The following PBX3 variants were observed in gnomAD, a reference collection of about 807,000 sequenced individuals.
PBX3 encodes PBX homeobox 3.
A neutral mutation model predicts 48.5 loss-of-function variants in PBX3; 14 were observed. The ratio of observed to expected loss-of-function variants is 0.29; its 90% confidence interval spans 0.19 to 0.45. The LOEUF is 0.45. Among genes scored for constraint, PBX3 ranks in the 20% least tolerant of loss-of-function variants. The probability of loss-of-function intolerance (pLI) is 1.00; values close to 1 mark genes in which losing one functional copy is unlikely to be tolerated. For synonymous variants in PBX3, 210 were observed against 200.3 expected, an observed-to-expected ratio of 1.05 and a Z score of -0.41; for missense variants, 386 against 546.7, an observed-to-expected ratio of 0.71 and a Z score of 2.93.
chr9:125,942,852 A>G lies in PBX3; in HGVS notation c.843+7245A>G, dbSNP rs796803873. Among the ~76,000 whole-genome samples, 207 of 152,356 alleles carry G rather than the reference A, an allele frequency of 1.4e-3. 1 individual carries two copies. Among genetic ancestry groups the G allele is most frequent in the African/African-American group, 4.7e-3 (196 of 41,588 alleles). ...AAAAAATGGGAGCTTTGAGGATGCT[A>G]TAGCATGAAGTACAGATGAGGCATA... is the stretch of plus-strand genomic sequence containing the variant. On this transcript the variant is annotated intron_variant, in intron 5 of 8. Transcript: ENST00000373489.
At chr9:125,816,366 T>G (rs1343288407) in intron 2 of PBX3, among the ~76,000 whole-genome samples, 2 of 152,156 alleles carry the variant, frequency 1.3e-5, no homozygotes, top group Admixed American at 6.6e-5. Context: ...AGAATGGAAA[T>G]TAAACATACA....
At chr9:125,828,251 CT>C (rs1204059956) in intron 2 of PBX3, among the ~76,000 whole-genome samples, 7 of 152,218 alleles carry the variant, frequency 4.6e-5, no homozygotes, top group South Asian at 2.1e-4. Context: ...GATATATATA[CT>C]CAGAGATACT....
chr9:125,900,616 C>G (rs1840922020), intron 2 of PBX3, among the ~76,000 whole-genome samples: 1 of 151,684 alleles, frequency 6.6e-6, no homozygotes, highest in African/African-American at 2.4e-5. Flanking sequence ...CCTCTACAGG[C>G]AGGTGGCTTT....
chr9:125,797,522 A>G (rs1341827900), intron 2 of PBX3: 1 of 152,150 alleles, frequency 6.6e-6, no homozygotes, highest in East Asian at 1.9e-4. Flanking sequence ...GTTTGTGAAG[A>G]TCAGAAGTTC....
intron 2 of PBX3, among the ~76,000 whole-genome samples, chr9:125,796,218 C>T (rs1271462820): frequency 6.6e-6 from 1 of 152,192 alleles, no homozygotes; most frequent in East Asian, 1.9e-4. Context: ...AGTGGATCTT[C>T]ACCTTTCTCT....
At chr9:125,892,070 C>A (rs1388854236) in intron 2 of PBX3, among the ~76,000 whole-genome samples, 1 of 152,096 alleles carries the variant, frequency 6.6e-6, no homozygotes, top group East Asian at 1.9e-4. Context: ...CAGGCACTTA[C>A]CACCATGCCC....
intron 2 of PBX3, among the ~76,000 whole-genome samples, chr9:125,769,057 G>A (rs1234028991): frequency 1.3e-5 from 2 of 152,030 alleles, no homozygotes; most frequent in African/African-American, 2.4e-5. Context: ...AGTGCTTTGT[G>A]GAGAATTTGT....
chr9:125,777,822 A>G (rs1837117924), intron 2 of PBX3, among the ~76,000 whole-genome samples: 1 of 152,148 alleles, frequency 6.6e-6, no homozygotes, highest in African/African-American at 2.4e-5. Context: ...GTGTGTTTCA[A>G]GGAATTTGCT....
At chr9:125,846,774 A>G (rs1221650784) in intron 2 of PBX3, among the ~76,000 whole-genome samples, 2 of 152,060 alleles carry the variant, frequency 1.3e-5, no homozygotes, top group African/African-American at 4.8e-5. Context: ...TTACACCAAA[A>G]TATGAACCAT....
At chr9:125,890,910 A>G (rs969744914) in intron 2 of PBX3, among the ~76,000 whole-genome samples, 2 of 152,232 alleles carry the variant, frequency 1.3e-5, no homozygotes, top group Non-Finnish European at 2.9e-5. Flanking sequence ...TGTGCACAGC[A>G]TTTAATGAGT....
chr9:125,828,451 T>C lies in PBX3; in HGVS notation c.274+79828T>C, dbSNP rs1588191492. Among the ~76,000 whole-genome samples, 4 of 152,296 alleles carry C rather than the reference T, an allele frequency of 2.6e-5. 1 individual carries two copies. The highest frequency in any genetic ancestry group is 9.6e-5 in the African/African-American group (4 of 41,590). On this transcript the variant is annotated intron_variant, in intron 2 of 8. Coordinates refer to ENST00000373489, the MANE Select transcript of PBX3 (RefSeq NM_006195.6). The stretch of plus-strand genomic sequence containing the variant: ...GAAGGGAGATGGGAATGAATACAGC[T>C]CTTCTGCTATCTTGAAACATTCTGT...
intron 5 of PBX3, among the ~76,000 whole-genome samples, chr9:125,944,512 C>T (rs1656637336): frequency 6.6e-6 from 1 of 152,070 alleles, no homozygotes; most frequent in Non-Finnish European, 1.5e-5. Context: ...GTGTTACTGA[C>T]AGAATATAAA....
At chr9:125,957,781 T>C (rs1842339990) in intron 5 of PBX3, among the ~76,000 whole-genome samples, 1 of 152,252 alleles carries the variant, frequency 6.6e-6, no homozygotes, top group South Asian at 2.1e-4. Flanking sequence ...TCATTAATTA[T>C]GCTTAAGAAA....
At chr9:125,812,051 A>T (rs1838305744) in intron 2 of PBX3, among the ~76,000 whole-genome samples, 1 of 152,196 alleles carries the variant, frequency 6.6e-6, no homozygotes, top group African/African-American at 2.4e-5. Context: ...AACACGCAGC[A>T]AGAAGGCACC....
chr9:125,873,942 T>G (rs1840187153), intron 2 of PBX3, among the ~76,000 whole-genome samples: 1 of 151,958 alleles, frequency 6.6e-6, no homozygotes, highest in Non-Finnish European at 1.5e-5. Flanking sequence ...TGGTAAAGAT[T>G]TATCAAATGC....
intron 2 of PBX3, among the ~76,000 whole-genome samples, chr9:125,752,371 A>G (rs1395981576): frequency 6.6e-6 from 1 of 152,236 alleles, no homozygotes; most frequent in Non-Finnish European, 1.5e-5. Context: ...TAAGGAGAAG[A>G]AAATGACTAG....
intron 2 of PBX3, among the ~76,000 whole-genome samples, chr9:125,811,117 C>T (rs2132125542): frequency 6.6e-6 from 1 of 152,266 alleles, no homozygotes; most frequent in African/African-American, 2.4e-5. Flanking sequence ...ACATGAGATA[C>T]AAATCTCAGT....
At chr9:125,828,809 G>T (rs1838877847) in intron 2 of PBX3, among the ~76,000 whole-genome samples, 1 of 152,182 alleles carries the variant, frequency 6.6e-6, no homozygotes, top group Non-Finnish European at 1.5e-5. Flanking sequence ...TGACAGATTT[G>T]TTTGCCTTTA....
intron 2 of PBX3, among the ~76,000 whole-genome samples, chr9:125,786,381 G>C (rs1837457775): frequency 1.3e-5 from 2 of 152,332 alleles, no homozygotes; most frequent in Admixed American, 1.3e-4. Flanking sequence ...GGAAAACCAG[G>C]AGCCTGTGGT....
Sources: allele counts gnomAD v4.1 joint callset (sites outside exome capture counted in the v4.1 genomes callset), GRCh38; gene constraint gnomAD v4.1.1; transcripts MANE v1.5; gene names NCBI Gene and HGNC (gene_info 2026-07-23, HGNC 2026-07-21).